The following AFF3 variants were observed in gnomAD, a reference collection of about 807,000 sequenced individuals.
AFF3 encodes AF4/FMR2 family member 3.
AFF3 carries 32 observed loss-of-function variants against 129.7 expected under a neutral mutation model. The ratio of observed to expected loss-of-function variants is 0.25; its 90% CI spans 0.19 to 0.33. The LOEUF (loss-of-function observed/expected upper bound fraction) is 0.33. Among genes scored for constraint, AFF3 ranks in the 10% least tolerant of loss-of-function variants. The pLI, the probability that AFF3 is intolerant of heterozygous loss-of-function variation, is 1.00. For missense variants in AFF3, 1,373 were observed against 1,592.0 expected (o/e 0.86, Z 2.34); for synonymous variants, 644 against 635.4 (o/e 1.01, Z -0.20).
chr2:99,933,107 G>A (rs1576375719), intron 7 of AFF3, among the ~76,000 whole-genome samples: 1 of 152,156 alleles, frequency 6.6e-6, no homozygotes, highest in East Asian at 1.9e-4. Context: ...GGTGCAGAAA[G>A]GCTGAGCCCT....
chr2:99,974,445 CCA>C (rs1489603386), intron 7 of AFF3, among the ~76,000 whole-genome samples: 2 of 152,312 alleles, frequency 1.3e-5, no homozygotes, highest in East Asian at 3.9e-4. Flanking sequence ...TGCATGACAA[CCA>C]CAGACTCTGT....
intron 2 of AFF3, chr2:100,109,791 A>G (rs1321034512): frequency 6.6e-6 from 1 of 152,200 alleles, no homozygotes; most frequent in African/African-American, 2.4e-5. Flanking sequence ...GCAGGTGAGT[A>G]TGCTAAGGAA....
intron 16 of AFF3, among the ~76,000 whole-genome samples, chr2:99,585,206 T>C (rs1677974288): frequency 6.6e-6 from 1 of 152,226 alleles, no homozygotes; most frequent in South Asian, 2.1e-4. Flanking sequence ...ACATACTTTA[T>C]GATTTTTACA....
At chr2:99,972,409 T>C (rs1014514477) in intron 7 of AFF3, among the ~76,000 whole-genome samples, 9 of 152,222 alleles carry the variant, frequency 5.9e-5, no homozygotes, top group African/African-American at 1.9e-4. Flanking sequence ...CTTCCCTCCC[T>C]GGTCTGCACA....
chr2:99,653,066 G>A (rs769739919), intron 12 of AFF3, among the ~76,000 whole-genome samples: 3 of 152,158 alleles, frequency 2.0e-5, no homozygotes, highest in Admixed American at 1.3e-4. Flanking sequence ...CACCCAGCAG[G>A]CAACAGGTGG....
At chr2:99,646,180 C>T (rs1316959743) in intron 13 of AFF3, among the ~76,000 whole-genome samples, 3 of 152,162 alleles carry the variant, frequency 2.0e-5, no homozygotes, top group Non-Finnish European at 2.9e-5. Context: ...CAAAATAGCT[C>T]CGGCCTTGTC....
chr2:100,013,601 A>G (rs189280210), intron 4 of AFF3, among the ~76,000 whole-genome samples: 52 of 152,324 alleles, frequency 3.4e-4, no homozygotes, highest in Middle Eastern at 3.4e-3. Context: ...TTAAACCCTG[A>G]TGTCTGACAA....
chr2:99,623,837 C>T (rs1208615415), intron 13 of AFF3, among the ~76,000 whole-genome samples: 1 of 152,186 alleles, frequency 6.6e-6, no homozygotes, highest in African/African-American at 2.4e-5. Flanking sequence ...CAGGCAAGGC[C>T]AGGTGGGGCC....
intron 8 of AFF3, among the ~76,000 whole-genome samples, chr2:99,758,199 A>G (rs1257352784): frequency 6.6e-6 from 1 of 152,108 alleles, no homozygotes; most frequent in Non-Finnish European, 1.5e-5. Context: ...TAGCATCCTG[A>G]TTGGTTCTCT....
intron 1 of AFF3, among the ~76,000 whole-genome samples, chr2:100,136,874 G>A (rs974111896): frequency 1.3e-5 from 2 of 152,086 alleles, no homozygotes; most frequent in Non-Finnish European, 2.9e-5. Context: ...ATTTATGTAT[G>A]TTTTACATCG....
At chr2:100,008,960 A>G (rs1443919720) in intron 4 of AFF3, 28 bp from the exon 5 acceptor site, 1 of 1,611,176 alleles carries the variant, frequency 6.2e-7, no homozygotes, top group Non-Finnish European at 8.5e-7. Flanking sequence ...AGAGAGAACA[A>G]CCACACACAC....
chr2:99,830,934 G>A (rs1294699805), intron 8 of AFF3, among the ~76,000 whole-genome samples: 1 of 152,156 alleles, frequency 6.6e-6, no homozygotes, highest in Non-Finnish European at 1.5e-5. Flanking sequence ...TGGGGTGGGT[G>A]GCTGGAGAAA....
In AFF3 at chr2:99,565,576, C is replaced by T. The variant is rs747852637; in HGVS notation, c.3030G>A (p.Ser1010=). ...KALNYAEAAL[S]FIECGNAMEQ... ...CCATTGCATTTCCACACTCGATAAA[C>T]GACAATGCTGCTTCAGCATAGTTCA... Residue 1010 remains serine (S), a synonymous_variant, in exon 20 of 25, where the codon TCG becomes TCA. Coordinates refer to ENST00000672756, the MANE Select transcript of AFF3 (RefSeq NM_001386135.1). The T allele has an allele frequency of 1.4e-5, 22 of 1,614,036 alleles. No individual in the cohort carries two copies. Among genetic ancestry groups the T allele is most frequent in the Admixed American group, 3.3e-5 (2 of 59,996 alleles).
intron 4 of AFF3, among the ~76,000 whole-genome samples, chr2:100,057,091 C>T (rs554667789): frequency 1.2e-4 from 19 of 152,212 alleles, no homozygotes; most frequent in Admixed American, 1.2e-3. Flanking sequence ...GAAGCCAAGA[C>T]GGGTGGATCA....
At chr2:99,839,213 G>A (rs1328207029) in intron 7 of AFF3, among the ~76,000 whole-genome samples, 3 of 152,034 alleles carry the variant, frequency 2.0e-5, no homozygotes, top group Non-Finnish European at 2.9e-5. Flanking sequence ...GGGTTCAGGC[G>A]ATTCTTCTGC....
chr2:99,731,684 A>C (rs868396146), intron 10 of AFF3, among the ~76,000 whole-genome samples: 3 of 152,328 alleles, frequency 2.0e-5, no homozygotes, highest in South Asian at 2.1e-4. Flanking sequence ...CAATAATGAG[A>C]ATTTGCAATA....
At chr2:99,968,919 T>C (rs1041080626) in intron 7 of AFF3, among the ~76,000 whole-genome samples, 42 of 152,286 alleles carry the variant, frequency 2.8e-4, no homozygotes, top group Non-Finnish European at 4.4e-4. Flanking sequence ...AATGTGCCAC[T>C]GCAAAGAAAG....
At chr2:99,609,252 G>C (rs893106094) in intron 13 of AFF3, among the ~76,000 whole-genome samples, 1 of 151,682 alleles carries the variant, frequency 6.6e-6, no homozygotes, top group African/African-American at 2.4e-5. Context: ...AGGTTTTTGG[G>C]GGGGAGGGGA....
At chr2:99,712,905 T>C (rs1438000493) in intron 11 of AFF3, among the ~76,000 whole-genome samples, 1 of 152,170 alleles carries the variant, frequency 6.6e-6, no homozygotes, top group Admixed American at 6.5e-5. Flanking sequence ...TACTCAGCCT[T>C]AAAAAGGAAG....
Sources: gnomAD v4.1 joint callset for allele counts (sites outside exome capture counted in the v4.1 genomes callset) on GRCh38, gnomAD v4.1.1 for gene constraint, MANE v1.5 for transcripts, NCBI Gene and HGNC (gene_info 2026-07-23, HGNC 2026-07-21) for gene names.